The following LRRFIP2 variants were observed in gnomAD, a reference collection of about 807,000 sequenced individuals.
LRRFIP2 encodes LRR binding FLII interacting protein 2, also known as leucine-rich repeat flightless-interacting protein 2.
A neutral mutation model predicts 125.9 loss-of-function variants in LRRFIP2; 109 were observed. The ratio of observed to expected loss-of-function variants is 0.87; its 90% CI spans 0.74 to 1.01. The LOEUF (loss-of-function observed/expected upper bound fraction) is 1.01. LRRFIP2 is among the 50% of genes least tolerant of loss of function. LRRFIP2 has a pLI of 0.00. For synonymous variants in LRRFIP2, 291 were observed against 293.1 expected (o/e 0.99, Z 0.07); for missense variants, 850 against 862.3 (o/e 0.99, Z 0.18).
At chr3:37,108,234 T>A in intron 12 of LRRFIP2, 105 bp from the exon 13 acceptor site, 1 of 841,938 alleles carries the variant, frequency 1.2e-6, no homozygotes, top group Non-Finnish European at 1.9e-6. Context: ...GTTCTCAAGA[T>A]AAAGGTAACT....
At chr3:37,172,095 T>C (rs1389379411) in intron 1 of LRRFIP2, among the ~76,000 whole-genome samples, 1 of 152,198 alleles carries the variant, frequency 6.6e-6, no homozygotes, top group Non-Finnish European at 1.5e-5. Context: ...TTAAATTCTA[T>C]TATAAATAAA....
intron 3 of LRRFIP2, among the ~76,000 whole-genome samples, chr3:37,128,105 C>A (rs2095332313): frequency 6.6e-6 from 1 of 152,064 alleles, no homozygotes; most frequent in Admixed American, 6.6e-5. Flanking sequence ...TGCAACACTT[C>A]CTCTTCAAGA....
rs143589969 is a variant in LRRFIP2 at position 37,076,406 on chromosome 3, A to G, written c.1279-1290T>C. Among the ~76,000 whole-genome samples, 11 of 152,242 alleles carry G rather than the reference A, an allele frequency of 7.2e-5. No individual in the cohort carries two copies. The East Asian group carries it at 2.1e-3, about 29-fold the overall frequency. ...GCCAGGGTTGGTGGCGTGTGCCTGT[A>G]GTCCCAGGTACTCTGGAGGCTGAGG... is the stretch of plus-strand genomic sequence containing the variant. On this transcript the variant is annotated intron_variant, in intron 19 of 27. Coordinates refer to ENST00000336686, the MANE Select transcript of LRRFIP2 (RefSeq NM_006309.4).
intron 18 of LRRFIP2, among the ~76,000 whole-genome samples, chr3:37,089,579 T>C (rs1192988238): frequency 6.6e-6 from 1 of 152,158 alleles, no homozygotes; most frequent in East Asian, 1.9e-4. Context: ...TGAAGTCAAG[T>C]TCAATTATAT....
intron 2 of LRRFIP2, among the ~76,000 whole-genome samples, chr3:37,132,193 T>C (rs1342670355): frequency 1.3e-5 from 2 of 152,132 alleles, no homozygotes; most frequent in Non-Finnish European, 2.9e-5. Context: ...AGATAGCAAA[T>C]GTATTTTAAA....
chr3:37,064,550 A>G (rs1375694259), intron 23 of LRRFIP2: 1 of 150,088 alleles, frequency 6.7e-6, no homozygotes, highest in East Asian at 2.0e-4. Flanking sequence ...TCGCGCCACT[A>G]CAATCCTGCC....
At chr3:37,170,946 T>A (rs907917784) in intron 1 of LRRFIP2, 3 of 152,194 alleles carry the variant, frequency 2.0e-5, no homozygotes, top group Non-Finnish European at 4.4e-5. Flanking sequence ...TGATGATGTA[T>A]GCATGTAGTC....
chr3:37,094,619 TCTC>T (rs2093631648), intron 17 of LRRFIP2, among the ~76,000 whole-genome samples, 170 bp downstream of exon 17: 2 of 152,124 alleles, frequency 1.3e-5, no homozygotes, highest in South Asian at 4.1e-4. Context: ...AACTATCTAA[TCTC>T]CTTCCTTTCA....
intron 22 of LRRFIP2, 91 bp downstream of exon 22, chr3:37,066,133 T>C: frequency 7.3e-7 from 1 of 1,361,248 alleles, no homozygotes; most frequent in Non-Finnish European, 1.1e-6. Context: ...CTGTAGTTTG[T>C]ATTTAGGCTA....
chr3:37,068,080 TG>T (rs1445025273), intron 21 of LRRFIP2: 10 of 152,356 alleles, frequency 6.6e-5, no homozygotes, highest in Admixed American at 5.2e-4. Context: ...GAATTAACAA[TG>T]TGCATTTCTA....
chr3:37,121,511 C>T lies in LRRFIP2; in HGVS notation c.311G>A (p.Arg104Gln), dbSNP rs1042868711. Reference sequence around the variant, plus strand: ...ACCAACCCTGTGACTGCCAACACTTCGAATGGACAATGCATCCTCAACTCC... The same window carrying T: ...ACCAACCCTGTGACTGCCAACACTTTGAATGGACAATGCATCCTCAACTCC... ...YLGVEDALSIRSVGSHRYDMF... is the reference protein window; with the variant it reads ...YLGVEDALSIQSVGSHRYDMF... Residue 104 changes from arginine (R) to glutamine (Q), a missense_variant, in exon 6 of 28, where the codon CGA becomes CAA. Coordinates refer to ENST00000336686, the MANE Select transcript of LRRFIP2 (RefSeq NM_006309.4). 6 of 1,613,818 alleles carry T rather than the reference C, an allele frequency of 3.7e-6. No homozygotes were observed. In the African/African-American group the frequency reaches 4.0e-5, roughly 11 times the overall value.
chr3:37,054,520 A>C lies in LRRFIP2; in HGVS notation c.1951-5T>G, dbSNP rs776827462. Reference sequence around the variant, plus strand: ...CTGTCCCTCAAGCCGGCTAATCTGTAAGTATGAGAACATAGGCCTCTAGTA... The same window carrying C: ...CTGTCCCTCAAGCCGGCTAATCTGTCAGTATGAGAACATAGGCCTCTAGTA... On this transcript the variant is annotated splice_polypyrimidine_tract_variant and splice_region_variant and intron_variant, in intron 26 of 27. Coordinates refer to ENST00000336686, the MANE Select transcript of LRRFIP2 (RefSeq NM_006309.4). The C allele has an allele frequency of 6.2e-7, 1 of 1,607,970 alleles. No homozygotes were observed. Among genetic ancestry groups the C allele is most frequent in the Non-Finnish European group, 8.5e-7 (1 of 1,174,894 alleles).
intron 18 of LRRFIP2, among the ~76,000 whole-genome samples, chr3:37,089,838 T>A (rs1476398092): frequency 6.6e-6 from 1 of 152,192 alleles, no homozygotes; most frequent in Non-Finnish European, 1.5e-5. Context: ...AAAAGTCGTA[T>A]CTCTAAAACC....
chr3:37,108,788 G>T, intron 11 of LRRFIP2, 104 bp from the exon 12 acceptor site: 1 of 883,670 alleles, frequency 1.1e-6, no homozygotes, highest in Non-Finnish European at 1.8e-6. Context: ...TTTGGAGAAT[G>T]ATATAAGTGT....
Position 37,066,314 on chromosome 3 carries a change from T to C in LRRFIP2, c.1476A>G (p.Lys492=). ...TAAGGCAGGCAATGTATTCTTTCTG[T>C]TTCTCTAGGGCCTGGTTTTAGGTAA... ...WKDKKIGALE[K]QKEYIACLRN... is the part of the protein sequence containing the mutation. Residue 492 remains lysine (K), a synonymous_variant, in exon 22 of 28, where the codon AAA becomes AAG. Coordinates refer to ENST00000336686, the MANE Select transcript of LRRFIP2 (RefSeq NM_006309.4). 1 of 1,614,040 alleles carries C rather than the reference T, an allele frequency of 6.2e-7. No homozygotes were observed. Among genetic ancestry groups the C allele is most frequent in the Non-Finnish European group, 8.5e-7 (1 of 1,179,894 alleles).
chr3:37,125,281 C>T (rs1045336246), intron 4 of LRRFIP2, among the ~76,000 whole-genome samples: 11 of 152,124 alleles, frequency 7.2e-5, no homozygotes, highest in Non-Finnish European at 1.5e-4. Context: ...ACTTCAAAAA[C>T]CGTATTTACT....
chr3:37,127,321 T>TA (rs34767374), intron 4 of LRRFIP2, among the ~76,000 whole-genome samples: 23 of 150,496 alleles, frequency 1.5e-4, no homozygotes, highest in East Asian at 5.8e-4. Context: ...CTTATTTTTT[T>TA]AAAAAAAAAG....
In LRRFIP2 at chr3:37,058,789, C is replaced by G; in HGVS notation, c.1870+1G>C. ...GGACTGGCCTGTCCCCTGGTACCTACTCTGCATTTCGATGAACTGCAAGTC... is the reference window on the plus strand; with the variant it reads ...GGACTGGCCTGTCCCCTGGTACCTAGTCTGCATTTCGATGAACTGCAAGTC... On this transcript the variant is annotated splice_donor_variant, in intron 25 of 27. Transcript: ENST00000336686. LOFTEE classifies it high-confidence loss of function. 1 of 1,613,934 alleles carries G rather than the reference C, an allele frequency of 6.2e-7. No homozygotes were observed. The highest frequency in any genetic ancestry group is 8.5e-7 in the Non-Finnish European group (1 of 1,179,898).
At chr3:37,172,374 C>T (rs1057433169) in intron 1 of LRRFIP2, among the ~76,000 whole-genome samples, 1 of 151,980 alleles carries the variant, frequency 6.6e-6, no homozygotes, top group African/African-American at 2.4e-5. Flanking sequence ...GAAATATGTG[C>T]TAAATACAAA....
Sources: allele counts gnomAD v4.1 joint callset (sites outside exome capture counted in the v4.1 genomes callset), GRCh38; gene constraint gnomAD v4.1.1; transcripts MANE v1.5; gene names NCBI Gene and HGNC (gene_info 2026-07-23, HGNC 2026-07-21).